Variants in GRID2 observed in about 807,000 individuals in gnomAD.
GRID2 encodes glutamate receptor ionotropic, delta-2.
GRID2 carries 33 observed loss-of-function variants against 114.8 expected under a neutral mutation model. The observed-to-expected ratio is 0.29, with a 90% CI of 0.22 to 0.38. The LOEUF (loss-of-function observed/expected upper bound fraction) is 0.38. Among genes scored for constraint, GRID2 ranks in the 10% least tolerant of loss-of-function variants. GRID2 has a pLI of 1.00. For synonymous variants in GRID2, 505 were observed against 449.9 expected (o/e 1.12, Z -1.55); for missense variants, 1,184 against 1,257.7 (o/e 0.94, Z 0.89).
intron 14 of GRID2, among the ~76,000 whole-genome samples, chr4:93,740,607 T>G (rs1232732427): frequency 6.6e-6 from 1 of 152,204 alleles, no homozygotes; most frequent in East Asian, 1.9e-4. Context: ...AGACATAAAG[T>G]GTATAGATAC....
chr4:93,384,914 A>G (rs1020273225), intron 8 of GRID2, among the ~76,000 whole-genome samples: 13 of 152,346 alleles, frequency 8.5e-5, no homozygotes, highest in African/African-American at 3.1e-4. Flanking sequence ...AATTAGAAGA[A>G]CACATAAATC....
intron 2 of GRID2, among the ~76,000 whole-genome samples, chr4:93,052,774 G>A (rs1726847573): frequency 1.3e-5 from 2 of 151,694 alleles, no homozygotes; most frequent in African/African-American, 4.8e-5. Context: ...CTTCTCCTTG[G>A]CAGCCCTCAT....
chr4:92,792,128 T>A lies in GRID2; in HGVS notation c.244+201842T>A, dbSNP rs1372896316. ...GTAGGAGTCTGAGCTGAAAATAGCT[T>A]CCTGAATTTTTTCAGCATCATGCAT... On this transcript the variant is annotated intron_variant, in intron 2 of 15. Coordinates refer to ENST00000282020, the MANE Select transcript of GRID2 (RefSeq NM_001510.4). Among the ~76,000 whole-genome samples, 6 of 151,728 alleles carry A rather than the reference T, an allele frequency of 4.0e-5. No individual in the cohort carries two copies. The East Asian group carries it at 9.7e-4, about 25-fold the overall frequency.
intron 2 of GRID2, among the ~76,000 whole-genome samples, chr4:92,640,646 A>C (rs1731297463): frequency 6.6e-6 from 1 of 151,842 alleles, no homozygotes; most frequent in Admixed American, 6.6e-5. Context: ...AAAATAAAAT[A>C]TGGAAGAAGT....
At chr4:92,940,459 G>C (rs1314683706) in intron 2 of GRID2, among the ~76,000 whole-genome samples, 5 of 151,700 alleles carry the variant, frequency 3.3e-5, no homozygotes, top group African/African-American at 1.2e-4. Context: ...AGCTTAAGGA[G>C]ATTTTGGGCT....
chr4:93,065,039 T>C (rs984110998), intron 2 of GRID2, among the ~76,000 whole-genome samples: 8 of 151,826 alleles, frequency 5.3e-5, no homozygotes, highest in Non-Finnish European at 1.2e-4. Flanking sequence ...GGCTATCGTG[T>C]TTTTGTGTTT....
Position 93,490,739 on chromosome 4 carries a change from T to G in GRID2, c.1959T>G (p.Ala653=), listed in dbSNP as rs1470993090. ...IVISSYTANL[A]AFLTITRIES... ...TCTCATCTTACACGGCAAACCTCGC[T>G]GCTTTCCTCACTATTACACGCATTG... Residue 653 remains alanine (A), a synonymous_variant, in exon 12 of 16, where the codon GCT becomes GCG. Coordinates refer to ENST00000282020, the MANE Select transcript of GRID2 (RefSeq NM_001510.4). The G allele has an allele frequency of 6.2e-7, 1 of 1,610,834 alleles. No individual in the cohort carries two copies. The highest frequency in any genetic ancestry group is 8.5e-7 in the Non-Finnish European group (1 of 1,177,730).
intron 4 of GRID2, among the ~76,000 whole-genome samples, chr4:93,117,402 ACATACATTT>A (rs1170191865): frequency 3.9e-5 from 6 of 152,074 alleles, no homozygotes; most frequent in Non-Finnish European, 7.4e-5. Context: ...GTGAGAATCA[ACATACATTT>A]ACGTACAATC....
chr4:93,148,161 G>A (rs1178441781), intron 4 of GRID2, among the ~76,000 whole-genome samples: 1 of 152,198 alleles, frequency 6.6e-6, no homozygotes, highest in African/African-American at 2.4e-5. Flanking sequence ...ATTGTTTAAT[G>A]CCTAATGCTT....
At chr4:92,740,698 A>AGATAGATAGATAGAT (rs1736838379) in intron 2 of GRID2, among the ~76,000 whole-genome samples, 2 of 29,924 alleles carry the variant, frequency 6.7e-5, no homozygotes, top group Non-Finnish European at 1.5e-4. Context: ...GATGATAGAT[A>AGATAGATAGATAGAT]GATAGATAGA....
chr4:92,696,082 G>A (rs1734412013), intron 2 of GRID2, among the ~76,000 whole-genome samples: 2 of 151,944 alleles, frequency 1.3e-5, no homozygotes, highest in Non-Finnish European at 2.9e-5. Flanking sequence ...TATATGTTCA[G>A]GAAAAAGTAC....
At chr4:93,503,421 C>T (rs2149476754) in intron 12 of GRID2, among the ~76,000 whole-genome samples, 1 of 151,428 alleles carries the variant, frequency 6.6e-6, no homozygotes, top group African/African-American at 2.4e-5. Context: ...GTGTGCTGCA[C>T]CCATTAACTC....
At chr4:93,285,943 A>C (rs1449852012) in intron 8 of GRID2, among the ~76,000 whole-genome samples, 1 of 152,018 alleles carries the variant, frequency 6.6e-6, no homozygotes, top group Non-Finnish European at 1.5e-5. Flanking sequence ...TAGTCTACTT[A>C]AATTATTTTG....
At chr4:92,507,595 CA>C (rs1266360291) in intron 1 of GRID2, among the ~76,000 whole-genome samples, 1 of 151,866 alleles carries the variant, frequency 6.6e-6, no homozygotes, top group Non-Finnish European at 1.5e-5. Flanking sequence ...AAAATCAGTA[CA>C]AGAGCTACTT....
chr4:92,864,520 T>G (rs1443851981), intron 2 of GRID2, among the ~76,000 whole-genome samples: 1 of 152,218 alleles, frequency 6.6e-6, no homozygotes, highest in Non-Finnish European at 1.5e-5. Flanking sequence ...CCTTGATTTC[T>G]TTTGACATTT....
At chr4:92,731,231 ATTT>A (rs35176432) in intron 2 of GRID2, among the ~76,000 whole-genome samples, 2 of 149,110 alleles carry the variant, frequency 1.3e-5, no homozygotes, top group Admixed American at 6.7e-5. Context: ...ACAATAAGTG[ATTT>A]TTTTTTTTCT....
chr4:93,784,077 A>C (rs1000659822), intron 1 of GRID2, among the ~76,000 whole-genome samples: 1 of 146,302 alleles, frequency 6.8e-6, no homozygotes, highest in Non-Finnish European at 1.5e-5. Flanking sequence ...GTCTCAAAAA[A>C]AAAAAAAAAA....
intron 14 of GRID2, among the ~76,000 whole-genome samples, chr4:93,760,964 A>G (rs1006214054): frequency 1.3e-5 from 2 of 152,222 alleles, no homozygotes; most frequent in Non-Finnish European, 1.5e-5. Context: ...TGAGGCAGTC[A>G]TCTTTTGGAA....
intron 14 of GRID2, among the ~76,000 whole-genome samples, chr4:93,752,360 TTTTATTTA>T (rs58427324): frequency 6.7e-6 from 1 of 149,154 alleles, no homozygotes; most frequent in Admixed American, 6.7e-5. Flanking sequence ...CATACTGTTC[TTTTATTTA>T]TTTATTTATT....
Sources: allele counts gnomAD v4.1 joint callset (sites outside exome capture counted in the v4.1 genomes callset), GRCh38; gene constraint gnomAD v4.1.1; transcripts MANE v1.5; gene names NCBI Gene and HGNC (gene_info 2026-07-23, HGNC 2026-07-21).